Variants in PTPRN2 observed in about 807,000 individuals in gnomAD.
PTPRN2 encodes protein tyrosine phosphatase receptor type N2, also known as receptor-type tyrosine-protein phosphatase N2.
A neutral mutation model predicts 118.8 loss-of-function variants in PTPRN2; 74 were observed. The ratio of observed to expected loss-of-function variants is 0.62; its 90% CI spans 0.52 to 0.76. The LOEUF (loss-of-function observed/expected upper bound fraction) is 0.76, where lower values mean the gene tolerates loss of function less well. Ranked by LOEUF, PTPRN2 falls within the 30% of genes least tolerant of loss-of-function variation. PTPRN2 has a pLI of 0.00. For synonymous variants in PTPRN2, 641 were observed against 608.0 expected, an observed-to-expected ratio of 1.05 and a Z score of -0.80; for missense variants, 1,481 against 1,394.4, an observed-to-expected ratio of 1.06 and a Z score of -0.99.
chr7:157,739,171 A>G (rs898134753), intron 12 of PTPRN2: 3 of 152,244 alleles, frequency 2.0e-5, no homozygotes, highest in Non-Finnish European at 4.4e-5. Flanking sequence ...CCAAGGTCAC[A>G]CGGTTAATCC....
rs532899110 is a variant in PTPRN2, at chr7:158,027,212, C to T, written c.1723+54086G>A. Among the ~76,000 whole-genome samples the T allele has an allele frequency of 2.0e-5, 3 of 152,306 alleles. No homozygotes were observed. In the South Asian group the frequency reaches 6.2e-4, roughly 32 times the overall value. On this transcript the variant is annotated intron_variant, in intron 11 of 22. Coordinates refer to ENST00000389418, the MANE Select transcript of PTPRN2 (RefSeq NM_002847.5). Reference sequence around the variant, plus strand: ...GGCCCTGGTCATCCTTCCACAGGTACGTGAAAGGTAAATGTAAGTGGCAGG... The same window carrying T: ...GGCCCTGGTCATCCTTCCACAGGTATGTGAAAGGTAAATGTAAGTGGCAGG...
intron 11 of PTPRN2, among the ~76,000 whole-genome samples, chr7:157,930,889 AT>A (rs958801310): frequency 1.6e-4 from 23 of 146,630 alleles, no homozygotes; most frequent in African/African-American, 5.2e-4. Flanking sequence ...CATTTTGATA[AT>A]TTTTTTTCGT....
At chr7:158,139,960 T>C (rs374520392) in intron 6 of PTPRN2, among the ~76,000 whole-genome samples, 2 of 127,512 alleles carry the variant, frequency 1.6e-5, no homozygotes, top group Non-Finnish European at 3.4e-5. Flanking sequence ...GCTGAGCCAG[T>C]GGGTCCCTGT....
At chr7:157,644,321 C>A (rs78739103) in intron 14 of PTPRN2, among the ~76,000 whole-genome samples, 6,462 of 152,264 alleles carry the variant, frequency 0.042, 239 homozygotes, top group South Asian at 0.13. Flanking sequence ...ACAAGCCCTG[C>A]CTGCATTGTA....
At chr7:157,988,495 C>CA (rs1022392095) in intron 11 of PTPRN2, among the ~76,000 whole-genome samples, 66 of 152,308 alleles carry the variant, frequency 4.3e-4, no homozygotes, top group African/African-American at 1.6e-3. Flanking sequence ...GCTGATAGAC[C>CA]AAACACACCA....
chr7:158,266,378 T>G (rs112894711), intron 3 of PTPRN2, among the ~76,000 whole-genome samples: 3 of 140,366 alleles, frequency 2.1e-5, no homozygotes, highest in Admixed American at 7.2e-5. Context: ...GGGTATTGTC[T>G]GGCAGTGAGG....
chr7:157,837,862 A>G (rs1405840017), intron 12 of PTPRN2, among the ~76,000 whole-genome samples: 6 of 152,246 alleles, frequency 3.9e-5, no homozygotes, highest in Non-Finnish European at 1.5e-5. Flanking sequence ...GCTGCCCAGC[A>G]TAGGACACAC....
intron 2 of PTPRN2, among the ~76,000 whole-genome samples, chr7:158,433,997 G>T (rs941537855): frequency 6.6e-5 from 10 of 151,124 alleles, no homozygotes; most frequent in Non-Finnish European, 1.3e-4. Context: ...ATTTTCTAGG[G>T]ATTTTTTTTT....
chr7:158,352,234 C>A (rs1586428624), intron 2 of PTPRN2, among the ~76,000 whole-genome samples: 9 of 37,320 alleles, frequency 2.4e-4, no homozygotes, highest in Non-Finnish European at 4.2e-4. Context: ...CCTGTCCGCT[C>A]CCCTCCTGTC....
chr7:158,424,695 G>T (rs1815554485), intron 2 of PTPRN2, among the ~76,000 whole-genome samples: 3 of 152,266 alleles, frequency 2.0e-5, no homozygotes, highest in Admixed American at 1.3e-4. Flanking sequence ...GCACGATGCT[G>T]CTGCCTGGCC....
intron 2 of PTPRN2, among the ~76,000 whole-genome samples, chr7:158,371,682 T>C (rs1810006346): frequency 6.6e-6 from 1 of 152,172 alleles, no homozygotes. Context: ...ATTTCACTTC[T>C]AGGGGAATGT....
rs1563268241 is a variant in PTPRN2 at position 158,417,737 on chromosome 7, GTGTA to G, written c.163+71994_163+71997del. On this transcript the variant is annotated intron_variant, in intron 2 of 22. Transcript: ENST00000389418. ...CAGTGTCCCACTGTGTTAAGTCACGGTGTACTACATCGAGATGCTCTCTCAGTGT... is the reference window on the plus strand; with the variant it reads ...CAGTGTCCCACTGTGTTAAGTCACGGCTACATCGAGATGCTCTCTCAGTGT... 5.0e-4 allele frequency among the ~76,000 whole-genome samples: 12 copies of G among 23,776 alleles called. 1 individual carries two copies. In the East Asian group the frequency reaches 0.013, roughly 26 times the overall value. The allele number at this position is 23,776 out of a possible 152,430, so 15.6% of individuals were successfully genotyped here.
intron 2 of PTPRN2, among the ~76,000 whole-genome samples, chr7:158,402,876 ACT>A (rs1460732364): frequency 6.6e-6 from 1 of 152,004 alleles, no homozygotes; most frequent in Non-Finnish European, 1.5e-5. Flanking sequence ...AGAAAGCAAA[ACT>A]CTGATGAGGG....
intron 2 of PTPRN2, among the ~76,000 whole-genome samples, chr7:158,432,482 C>A (rs943122128): frequency 2.0e-5 from 3 of 152,212 alleles, no homozygotes; most frequent in Non-Finnish European, 2.9e-5. Flanking sequence ...CTGGCCCAGG[C>A]CCCACCTCTA....
At chr7:158,522,941 T>C (rs911079619) in intron 1 of PTPRN2, among the ~76,000 whole-genome samples, 3 of 152,096 alleles carry the variant, frequency 2.0e-5, no homozygotes, top group African/African-American at 7.2e-5. Context: ...ACCCAGAACT[T>C]GCTGGGACTG....
chr7:158,511,770 G>A (rs1309211119), intron 1 of PTPRN2, among the ~76,000 whole-genome samples: 1 of 152,208 alleles, frequency 6.6e-6, no homozygotes, highest in African/African-American at 2.4e-5. Flanking sequence ...TTCTCACAGA[G>A]GCCGGAAAGA....
At chr7:158,243,003 G>A (rs893029752) in intron 3 of PTPRN2, among the ~76,000 whole-genome samples, 1 of 152,006 alleles carries the variant, frequency 6.6e-6, no homozygotes, top group Admixed American at 6.6e-5. Flanking sequence ...GTTTTTCTAG[G>A]CTATTTGACT....
At position 157,688,733 on chromosome 7, in the gene PTPRN2, A is replaced by C. The variant is rs1585241308; in HGVS notation, c.1789-5796T>G. Among the ~76,000 whole-genome samples, 3 of 152,228 alleles carry C rather than the reference A, an allele frequency of 2.0e-5. No individual in the cohort carries two copies. The South Asian group carries it at 6.2e-4, about 32-fold the overall frequency. ...AGAAGCCCCAACCCAAGACCCGCCT[A>C]GCGTCGCTTGTCAGAACCCCTCTGT... On this transcript the variant is annotated intron_variant, in intron 12 of 22. Transcript: ENST00000389418.
chr7:158,561,805 C>G (rs910270829), intron 1 of PTPRN2, among the ~76,000 whole-genome samples: 1 of 152,328 alleles, frequency 6.6e-6, no homozygotes, highest in East Asian at 1.9e-4. Context: ...CAAACTCTCA[C>G]TAGGGGGGAC....
Sources: gnomAD v4.1 joint callset for allele counts (sites outside exome capture counted in the v4.1 genomes callset) on GRCh38, gnomAD v4.1.1 for gene constraint, MANE v1.5 for transcripts, NCBI Gene and HGNC (gene_info 2026-07-23, HGNC 2026-07-21) for gene names.